The following RGS7 variants were observed in gnomAD, a reference collection of about 807,000 sequenced individuals.
RGS7 encodes the protein regulator of G protein signaling 7.
In RGS7, 27 loss-of-function variants were observed where a neutral mutation model predicts 81.1. The observed-to-expected ratio is 0.33, with a 90% CI of 0.25 to 0.46. The LOEUF (loss-of-function observed/expected upper bound fraction) is 0.46. Ranked by LOEUF, RGS7 falls within the 20% of genes least tolerant of loss-of-function variation. The pLI, the probability that RGS7 is intolerant of heterozygous loss-of-function variation, is 1.00. For synonymous variants in RGS7, 208 were observed against 207.7 expected (o/e 1.00, Z -0.01); for missense variants, 396 against 607.4 (o/e 0.65, Z 3.66).
intron 6 of RGS7, among the ~76,000 whole-genome samples, chr1:240,899,701 T>C (rs1669668410): frequency 6.6e-6 from 1 of 152,232 alleles, no homozygotes; most frequent in African/African-American, 2.4e-5. Flanking sequence ...GACCTTTCTC[T>C]CTGGCTGCCC....
At chr1:240,784,264 G>C (rs1195421791) in intron 18 of RGS7, among the ~76,000 whole-genome samples, 1 of 152,078 alleles carries the variant, frequency 6.6e-6, no homozygotes, top group Non-Finnish European at 1.5e-5. Flanking sequence ...TGAAGAGATT[G>C]AGCAGAAATA....
rs1004442992 is a variant in RGS7 at position 241,171,340 on chromosome 1, A to C, written c.79-72578T>G. On this transcript the variant is annotated intron_variant, in intron 2 of 18. Transcript: ENST00000440928. Reference sequence around the variant, plus strand: ...TAAAGTTTTTTCCTAATTTCTCAGCATAATTCCATAAGGCAGACATTGTTT... The same window carrying C: ...TAAAGTTTTTTCCTAATTTCTCAGCCTAATTCCATAAGGCAGACATTGTTT... Among the ~76,000 whole-genome samples, 12 of 152,340 alleles carry C rather than the reference A, an allele frequency of 7.9e-5. No individual in the cohort carries two copies. In the East Asian group the frequency reaches 2.3e-3, roughly 29 times the overall value.
chr1:241,336,582 G>A (rs180776468), intron 2 of RGS7, among the ~76,000 whole-genome samples: 15 of 152,188 alleles, frequency 9.9e-5, no homozygotes, highest in Admixed American at 4.6e-4. Flanking sequence ...TTCCTCCTTC[G>A]GCTTTCTTAA....
intron 3 of RGS7, among the ~76,000 whole-genome samples, chr1:241,003,155 A>G (rs2058499407): frequency 6.6e-6 from 1 of 152,162 alleles, no homozygotes; most frequent in African/African-American, 2.4e-5. Flanking sequence ...ATTGCTTATA[A>G]TGACAACAAA....
At chr1:240,946,326 G>T (rs1313986282) in intron 4 of RGS7, among the ~76,000 whole-genome samples, 1 of 152,044 alleles carries the variant, frequency 6.6e-6, no homozygotes, top group Non-Finnish European at 1.5e-5. Context: ...AATCAGGCTG[G>T]GCATGGTGGC....
intron 18 of RGS7, among the ~76,000 whole-genome samples, chr1:240,792,776 G>C (rs1049258024): frequency 1.3e-5 from 2 of 152,202 alleles, no homozygotes. Flanking sequence ...CTCCAAAGTA[G>C]TAATTTGTGT....
At chr1:241,350,157 A>G (rs1157947963) in intron 2 of RGS7, among the ~76,000 whole-genome samples, 1 of 152,170 alleles carries the variant, frequency 6.6e-6, no homozygotes, top group Non-Finnish European at 1.5e-5. Flanking sequence ...TCTAAACTCA[A>G]TTATTATCCA....
At chr1:241,269,681 T>G (rs1239738134) in intron 2 of RGS7, among the ~76,000 whole-genome samples, 1 of 152,156 alleles carries the variant, frequency 6.6e-6, no homozygotes, top group Non-Finnish European at 1.5e-5. Context: ...GAAAGAAAGG[T>G]GATTCCACTG....
chr1:240,821,387 G>C (rs1263253231), intron 10 of RGS7, among the ~76,000 whole-genome samples: 2 of 152,192 alleles, frequency 1.3e-5, no homozygotes, highest in African/African-American at 4.8e-5. Flanking sequence ...GCGAGGCAGA[G>C]GCTGCAGTGA....
intron 2 of RGS7, among the ~76,000 whole-genome samples, chr1:241,180,676 T>G (rs1258480828): frequency 5.3e-5 from 8 of 152,210 alleles, no homozygotes; most frequent in Non-Finnish European, 1.5e-5. Context: ...AAGATGTCCT[T>G]TGACACACAG....
intron 6 of RGS7, among the ~76,000 whole-genome samples, chr1:240,915,494 A>G (rs1481979177): frequency 6.6e-6 from 1 of 151,926 alleles, no homozygotes; most frequent in Non-Finnish European, 1.5e-5. Context: ...CTTATTTAAG[A>G]AGAAGTTTCT....
chr1:241,060,620 A>G (rs1365192228), intron 3 of RGS7, among the ~76,000 whole-genome samples: 1 of 152,142 alleles, frequency 6.6e-6, no homozygotes, highest in Non-Finnish European at 1.5e-5. Context: ...AGTTAACTCC[A>G]CATAGTATAC....
chr1:241,030,939 C>G (rs2060055466), intron 3 of RGS7, among the ~76,000 whole-genome samples: 2 of 152,138 alleles, frequency 1.3e-5, no homozygotes, highest in South Asian at 4.1e-4. Flanking sequence ...CCAAAACACC[C>G]CCCAACACAA....
chr1:240,969,075 G>T (rs562758910), intron 4 of RGS7, among the ~76,000 whole-genome samples: 1 of 152,178 alleles, frequency 6.6e-6, no homozygotes, highest in Non-Finnish European at 1.5e-5. Context: ...GTCATTTTCT[G>T]AGTGGCTACC....
At chr1:241,045,654 G>T (rs866894053) in intron 3 of RGS7, among the ~76,000 whole-genome samples, 2 of 152,064 alleles carry the variant, frequency 1.3e-5, no homozygotes, top group Non-Finnish European at 2.9e-5. Flanking sequence ...ATGAGCCACC[G>T]CGCCTGGCCT....
At chr1:240,812,503 C>T (rs903389827) in intron 13 of RGS7, among the ~76,000 whole-genome samples, 7 of 150,130 alleles carry the variant, frequency 4.7e-5, no homozygotes, top group African/African-American at 7.3e-5. Context: ...GGCGTGATCT[C>T]GGCTCACTGC....
At chr1:241,042,161 G>C (rs1041520715) in intron 3 of RGS7, among the ~76,000 whole-genome samples, 1 of 152,190 alleles carries the variant, frequency 6.6e-6, no homozygotes, top group African/African-American at 2.4e-5. Flanking sequence ...TCACATGTGT[G>C]GGGGCGCTGT....
chr1:241,155,105 G>T (rs2069021248), intron 2 of RGS7, among the ~76,000 whole-genome samples: 1 of 152,090 alleles, frequency 6.6e-6, no homozygotes, highest in African/African-American at 2.4e-5. Context: ...CAATCATTTT[G>T]ATTATGTGTC....
At chr1:241,347,119 A>C (rs1194134416) in intron 2 of RGS7, among the ~76,000 whole-genome samples, 2 of 152,206 alleles carry the variant, frequency 1.3e-5, no homozygotes, top group African/African-American at 4.8e-5. Context: ...TTGTGTGGAC[A>C]ATGAAGGTCA....
Sources: gnomAD v4.1 joint callset for allele counts (sites outside exome capture counted in the v4.1 genomes callset) on GRCh38, gnomAD v4.1.1 for gene constraint, MANE v1.5 for transcripts, NCBI Gene and HGNC (gene_info 2026-07-23, HGNC 2026-07-21) for gene names.